KIF26B: variants seen among roughly 807,000 people sequenced by gnomAD.
KIF26B encodes the protein kinesin family member 26B.
In KIF26B, 63 loss-of-function variants were observed where a neutral mutation model predicts 151.2. The ratio of observed to expected loss-of-function variants is 0.42; its 90% CI spans 0.34 to 0.51. The LOEUF (loss-of-function observed/expected upper bound fraction) is 0.51. Among genes scored for constraint, KIF26B ranks in the 20% least tolerant of loss-of-function variants. The pLI, the probability that KIF26B is intolerant of heterozygous loss-of-function variation, is 0.07. For synonymous variants in KIF26B, 1,357 were observed against 1,262.1 expected (o/e 1.08, Z -1.59); for missense variants, 2,813 against 2,913.6 (o/e 0.97, Z 0.79).
At chr1:245,592,602 G>A (rs960430968) in intron 5 of KIF26B, among the ~76,000 whole-genome samples, 4 of 152,246 alleles carry the variant, frequency 2.6e-5, no homozygotes, top group African/African-American at 7.2e-5. Context: ...TGGTCAACAC[G>A]GAGCAGTCGC....
At chr1:245,204,782 ATT>A (rs199768210) in intron 2 of KIF26B, among the ~76,000 whole-genome samples, 2 of 149,650 alleles carry the variant, frequency 1.3e-5, no homozygotes, top group Admixed American at 1.3e-4. Flanking sequence ...ATTTTGTGTG[ATT>A]TTTTTTTTCT....
At chr1:245,669,300 T>A (rs1364210517) in intron 10 of KIF26B, among the ~76,000 whole-genome samples, 1 of 152,158 alleles carries the variant, frequency 6.6e-6, no homozygotes, top group African/African-American at 2.4e-5. Context: ...CCACAGATGC[T>A]AAAGAAAAAT....
chr1:245,181,742 G>A (rs1478320026), intron 2 of KIF26B, among the ~76,000 whole-genome samples: 3 of 152,082 alleles, frequency 2.0e-5, no homozygotes, highest in Non-Finnish European at 4.4e-5. Context: ...GTGATTTTTA[G>A]GGAAACTGCA....
chr1:245,608,161 A>G (rs928323732), intron 7 of KIF26B, among the ~76,000 whole-genome samples: 2 of 152,338 alleles, frequency 1.3e-5, no homozygotes, highest in East Asian at 1.9e-4. Context: ...AGCAAAGCCC[A>G]GAGCCCAGGG....
chr1:245,389,046 A>C (rs990367987), intron 3 of KIF26B, among the ~76,000 whole-genome samples: 3 of 152,132 alleles, frequency 2.0e-5, no homozygotes, highest in African/African-American at 7.2e-5. Flanking sequence ...CTTGCCAGGA[A>C]AGTTCCGTTT....
In KIF26B at chr1:245,352,224, T is replaced by G. The variant is rs1398568962; in HGVS notation, c.466-14610T>G. 1.3e-5 allele frequency among the ~76,000 whole-genome samples: 2 copies of G among 152,214 alleles called. No homozygotes were observed. Among genetic ancestry groups the G allele is most frequent in the East Asian group, 1.9e-4 (1 of 5,204 alleles). Reference sequence around the variant, plus strand: ...TGATTTTAAAGTGTCTTCTAGGTTTTTATTCTACCATTCCTACCTCCAGTT... The same window carrying G: ...TGATTTTAAAGTGTCTTCTAGGTTTGTATTCTACCATTCCTACCTCCAGTT... On this transcript the variant is annotated intron_variant, in intron 2 of 14. Coordinates refer to ENST00000407071, the MANE Select transcript of KIF26B (RefSeq NM_018012.4). This position sits in a 1 kb window ranked among gnomAD's most constrained non-coding sequence, Gnocchi z 5.0.
At position 245,241,927 on chromosome 1, in the gene KIF26B, C is replaced by A. The variant is rs114714537; in HGVS notation, c.465+85244C>A. On this transcript the variant is annotated intron_variant, in intron 2 of 14. Coordinates refer to ENST00000407071, the MANE Select transcript of KIF26B (RefSeq NM_018012.4). The surrounding 1 kb of genome is among the most constrained non-coding windows in gnomAD (Gnocchi z 5.0). ...TCACCCAGCCTCATCTCCAGCCATTCGAGATGCAGGCGTTGTCATTCCTTG... is the reference window on the plus strand; with the variant it reads ...TCACCCAGCCTCATCTCCAGCCATTAGAGATGCAGGCGTTGTCATTCCTTG... Among the ~76,000 whole-genome samples, 1 of 152,164 alleles carries A rather than the reference C, an allele frequency of 6.6e-6. No homozygotes were observed. The highest frequency in any genetic ancestry group is 1.5e-5 in the Non-Finnish European group (1 of 68,012).
At chr1:245,654,706 C>T (rs2044054969) in intron 10 of KIF26B, among the ~76,000 whole-genome samples, 1 of 152,138 alleles carries the variant, frequency 6.6e-6, no homozygotes, top group Non-Finnish European at 1.5e-5. Context: ...TGACCGTTTC[C>T]CACAGTGGAG....
intron 5 of KIF26B, among the ~76,000 whole-genome samples, chr1:245,578,586 T>G (rs1220820231): frequency 2.6e-5 from 4 of 152,158 alleles, no homozygotes; most frequent in African/African-American, 4.8e-5. Context: ...TGAGGACAAA[T>G]GTAATTTCCA....
At chr1:245,250,359 C>G (rs186166906) in intron 2 of KIF26B, among the ~76,000 whole-genome samples, 1 of 152,352 alleles carries the variant, frequency 6.6e-6, no homozygotes, top group East Asian at 1.9e-4. Flanking sequence ...CAAGATTTAT[C>G]TATCCATTTG....
At chr1:245,585,666 G>T (rs565524877) in intron 5 of KIF26B, among the ~76,000 whole-genome samples, 3 of 152,154 alleles carry the variant, frequency 2.0e-5, no homozygotes, top group Non-Finnish European at 2.9e-5. Context: ...TTCTCTTCTC[G>T]AGAGTTCCGA....
intron 4 of KIF26B, among the ~76,000 whole-genome samples, chr1:245,471,278 G>A (rs1659907889): frequency 6.6e-6 from 1 of 151,758 alleles, no homozygotes; most frequent in Admixed American, 6.6e-5. Flanking sequence ...TTACAGGCAT[G>A]CACCACCACG....
chr1:245,697,237 T>C (rs1376710116), intron 12 of KIF26B, among the ~76,000 whole-genome samples: 1 of 152,248 alleles, frequency 6.6e-6, no homozygotes, highest in African/African-American at 2.4e-5. Context: ...AGCTGGCATC[T>C]GCTCATCAAA....
intron 2 of KIF26B, among the ~76,000 whole-genome samples, chr1:245,163,844 C>G (rs1668570828): frequency 6.6e-6 from 1 of 152,024 alleles, no homozygotes; most frequent in Admixed American, 6.5e-5. Flanking sequence ...TGTTTTATAT[C>G]CCGTCGCCTT....
chr1:245,535,147 C>T (rs113989603), intron 4 of KIF26B, among the ~76,000 whole-genome samples: 27,926 of 152,040 alleles, frequency 0.18, 2,858 homozygotes, highest in Middle Eastern at 0.24. Context: ...TACAATTATA[C>T]GTGAATGATT....
intron 2 of KIF26B, among the ~76,000 whole-genome samples, chr1:245,338,649 G>C (rs1352255570): frequency 1.3e-5 from 2 of 152,222 alleles, no homozygotes; most frequent in African/African-American, 2.4e-5. Flanking sequence ...CTCTAGAAGA[G>C]AGTTTCTAAG....
At chr1:245,416,112 C>CAAAAAAAAAA (rs375247191) in intron 3 of KIF26B, among the ~76,000 whole-genome samples, 3 of 124,878 alleles carry the variant, frequency 2.4e-5, no homozygotes, top group African/African-American at 9.1e-5. Flanking sequence ...AGTAAAAATA[C>CAAAAAAAAAA]AAAAAAAAAA....
intron 3 of KIF26B, among the ~76,000 whole-genome samples, chr1:245,369,450 C>T (rs969822186): frequency 6.6e-6 from 1 of 152,178 alleles, no homozygotes; most frequent in Non-Finnish European, 1.5e-5. Context: ...AAGTGGGAAA[C>T]GTTGATCATT....
chr1:245,625,823 C>A (rs542786118), intron 9 of KIF26B, among the ~76,000 whole-genome samples: 1 of 151,456 alleles, frequency 6.6e-6, no homozygotes, highest in East Asian at 1.9e-4. Context: ...TTCTTCCCAG[C>A]CTCTGGTATC....
Sources: allele counts gnomAD v4.1 joint callset (sites outside exome capture counted in the v4.1 genomes callset), GRCh38; gene constraint gnomAD v4.1.1; non-coding constraint Gnocchi (gnomAD v3.1); transcripts MANE v1.5; gene names NCBI Gene and HGNC (gene_info 2026-07-23, HGNC 2026-07-21).